WDR11: variants seen among roughly 807,000 people sequenced by gnomAD.
WDR11 encodes WD repeat-containing protein 11.
WDR11 carries 83 observed loss-of-function variants against 151.2 expected under a neutral mutation model. The observed-to-expected ratio is 0.55, with a 90% confidence interval of 0.46 to 0.66. The LOEUF is 0.66. Among genes scored for constraint, WDR11 ranks in the 30% least tolerant of loss-of-function variants. WDR11 has a pLI of 0.00. For missense variants in WDR11, 1,301 were observed against 1,480.9 expected, an observed-to-expected ratio of 0.88 and a Z score of 1.99; for synonymous variants, 484 against 533.1, an observed-to-expected ratio of 0.91 and a Z score of 1.27.
At chr10:120,899,997 TTTA>T (rs1283072168) in intron 19 of WDR11, 29 bp from the exon 20 acceptor site, 2 of 1,579,620 alleles carry the variant, frequency 1.3e-6, no homozygotes, top group East Asian at 4.5e-5. Flanking sequence ...AAAACTTCAT[TTTA>T]TTTTTAAAAA....
intron 20 of WDR11, 29 bp downstream of exon 20, chr10:120,900,166 A>G (rs1400253922): frequency 1.3e-6 from 2 of 1,579,372 alleles, no homozygotes; most frequent in Middle Eastern, 1.7e-4. Flanking sequence ...TTTTTCTTTC[A>G]TAATTTACTT....
chr10:120,880,956 AT>A, intron 13 of WDR11, 55 bp downstream of exon 13: 4 of 1,487,316 alleles, frequency 2.7e-6, no homozygotes, highest in East Asian at 2.4e-5. Context: ...AATCTCGTGG[AT>A]TTTTTTAATC....
intron 4 of WDR11, chr10:120,862,468 A>G (rs1846175403): frequency 3.0e-6 from 1 of 336,224 alleles, no homozygotes; most frequent in East Asian, 6.1e-5. Context: ...AAGAACAAAC[A>G]CTTGTTCTTT....
In WDR11 at chr10:120,891,272, A is replaced by G. The variant is rs1011814320; in HGVS notation, c.2515+385A>G. 5.9e-5 allele frequency among the ~76,000 whole-genome samples: 9 copies of G among 152,326 alleles called. No homozygotes were observed. The East Asian group carries it at 1.7e-3, about 29-fold the overall frequency. ...ATGGCCTTATGTCTTTTGCAACCAT[A>G]TATCATTGAAAAGTCACTTTAGAAA... On this transcript the variant is annotated intron_variant, in intron 19 of 28. Transcript: ENST00000263461.
At chr10:120,898,420 TAGAC>T (rs1417349852) in intron 19 of WDR11, among the ~76,000 whole-genome samples, 1 of 152,238 alleles carries the variant, frequency 6.6e-6, no homozygotes, top group Non-Finnish European at 1.5e-5. Flanking sequence ...AAGTTTAAAT[TAGAC>T]AAACATTCAT....
chr10:120,878,466 T>C lies in WDR11; in HGVS notation c.1663+7T>C. The C allele has an allele frequency of 1.2e-6, 2 of 1,604,664 alleles. No individual in the cohort carries two copies. The highest frequency in any genetic ancestry group is 1.7e-6 in the Non-Finnish European group (2 of 1,171,816). The stretch of plus-strand genomic sequence containing the variant: ...CTGGTTGATCTTCCAACAGGTTTGT[T>C]TTTAAAGATCCAAATAGGTTTGTCA... On this transcript the variant is annotated splice_region_variant and intron_variant, in intron 12 of 28. Transcript: ENST00000263461.
At position 120,905,260 on chromosome 10, in the gene WDR11, A is replaced by G; in HGVS notation, c.3194-59A>G. 7.1e-6 allele frequency: 11 copies of G among 1,555,968 alleles called. No homozygotes were observed. The South Asian group carries it at 1.0e-4, about 14-fold the overall frequency. Reference sequence around the variant, plus strand: ...GGTCAAATGGGGATTTAACTTTTTAATGACTTCTCAAAGAAGGAGCTGCAG... The same window carrying G: ...GGTCAAATGGGGATTTAACTTTTTAGTGACTTCTCAAAGAAGGAGCTGCAG... On this transcript the variant is annotated intron_variant, in intron 25 of 28. Coordinates refer to ENST00000263461, the MANE Select transcript of WDR11 (RefSeq NM_018117.12).
chr10:120,868,678 C>A (rs1846405019), intron 9 of WDR11: 1 of 152,026 alleles, frequency 6.6e-6, no homozygotes, highest in African/African-American at 2.4e-5. Context: ...ATGGAAGAGC[C>A]CAAGTGTGAC....
chr10:120,873,850 G>C lies in WDR11; in HGVS notation c.1483G>C (p.Gly495Arg). The change falls in exon 11 of 29, where the codon GGT (glycine) becomes CGT (arginine). Residue 495 changes from glycine to arginine, a missense_variant. Gly to Arg is a moderately radical substitution (Grantham distance 125). Transcript: ENST00000263461. Reference sequence around the variant, plus strand: ...TGTCATTTTGAAAGGTACAAGTAATGGTTCTGTCCTGGTGTACCATCTCAC... The same window carrying C: ...TGTCATTTTGAAAGGTACAAGTAATCGTTCTGTCCTGGTGTACCATCTCAC... ...QPLLAVGTSN[G>R]SVLVYHLTSG... 6.2e-7 allele frequency: 1 copy of C among 1,612,020 alleles called. No individual in the cohort carries two copies.
At chr10:120,860,482 T>TA (rs1846103818) in intron 4 of WDR11, among the ~76,000 whole-genome samples, 200 bp downstream of exon 4, 1 of 152,194 alleles carries the variant, frequency 6.6e-6, no homozygotes, top group African/African-American at 2.4e-5. Flanking sequence ...GCAAATATGA[T>TA]AAAAAATTAA....
chr10:120,865,861 T>G (rs1485774592), intron 7 of WDR11, 117 bp downstream of exon 7: 2 of 707,652 alleles, frequency 2.8e-6, no homozygotes, highest in Admixed American at 5.2e-5. Flanking sequence ...TTGAGGAAGT[T>G]TAAAATATGG....
Position 120,908,794 on chromosome 10 carries a change from A to C in WDR11, c.*81A>C. Reference sequence around the variant, plus strand: ...CTGGCTGTGGCCACCGTCACAGTCCAGGATGAAGAGGAGTACAGGGTCCTG... The same window carrying C: ...CTGGCTGTGGCCACCGTCACAGTCCCGGATGAAGAGGAGTACAGGGTCCTG... On this transcript the variant is annotated 3_prime_UTR_variant, in exon 29 of 29. Coordinates refer to ENST00000263461, the MANE Select transcript of WDR11 (RefSeq NM_018117.12). 1 of 1,484,370 alleles carries C rather than the reference A, an allele frequency of 6.7e-7. No individual in the cohort carries two copies. The highest frequency in any genetic ancestry group is 1.4e-5 in the African/African-American group (1 of 72,336). 91.9% of individuals were successfully genotyped at this position (1,484,370 alleles called of 1,614,324 possible).
rs1846631396 is a variant in WDR11, at chr10:120,873,755, A to G, written c.1472-84A>G. 9 of 895,692 alleles carry G rather than the reference A, an allele frequency of 1.0e-5. No individual in the cohort carries two copies. In the South Asian group the frequency reaches 1.0e-4, roughly 10 times the overall value. 55.5% of individuals were successfully genotyped at this position (895,692 alleles called of 1,614,324 possible). A position where few individuals can be genotyped will look rare whatever the true frequency, so the allele number is the denominator to read the frequency against. On this transcript the variant is annotated intron_variant, in intron 10 of 28. Transcript: ENST00000263461. ...TTATAAAAGATAAATGTGTTAAGTGATTAAAGTCTTGAGAAAAGACTTTTC... is the reference window on the plus strand; with the variant it reads ...TTATAAAAGATAAATGTGTTAAGTGGTTAAAGTCTTGAGAAAAGACTTTTC...
chr10:120,852,616 A>G lies in WDR11; in HGVS notation c.179A>G (p.His60Arg). 1.9e-6 allele frequency: 3 copies of G among 1,613,966 alleles called. No individual in the cohort carries two copies. The highest frequency in any genetic ancestry group is 2.5e-6 in the Non-Finnish European group (3 of 1,179,904). ...CAAACTCTTCAAGTTTTAGAAAAGCATAAAGCTGATGTTGTAAAGGTAAGT... is the reference window on the plus strand; with the variant it reads ...CAAACTCTTCAAGTTTTAGAAAAGCGTAAAGCTGATGTTGTAAAGGTAAGT... ...TAQTLQVLEK[H>R]KADVVKVKWA... is the part of the protein sequence containing the mutation. Residue 60 changes from histidine (H) to arginine (R), a missense_variant, in exon 2 of 29, where the codon CAT (histidine) becomes CGT (arginine). Transcript: ENST00000263461.
chr10:120,869,415 A>G (rs1846444819), intron 9 of WDR11, among the ~76,000 whole-genome samples: 2 of 148,880 alleles, frequency 1.3e-5, no homozygotes, highest in African/African-American at 4.9e-5. Context: ...GCCCGGCCAA[A>G]TTACAGTTTT....
intron 16 of WDR11, 122 bp from the exon 17 acceptor site, chr10:120,888,956 G>T (rs1160634648): frequency 4.1e-6 from 3 of 735,656 alleles, no homozygotes; most frequent in Non-Finnish European, 6.9e-6. Flanking sequence ...TCTGTTTTAG[G>T]ATTTGATGAC....
At position 120,883,842 on chromosome 10, in the gene WDR11, C is replaced by T; in HGVS notation, c.1802C>T (p.Thr601Ile). ...PLELWDVRTC[T>I]LLREMSKNFP... is the part of the protein sequence containing the mutation. ...GAGCTATGGGATGTTAGGACTTGTA[C>T]CCTTCTTAGAGAGATGTCCAAAAAC... Residue 601 changes from threonine to isoleucine, a missense_variant, in exon 14 of 29, where the codon ACC (threonine) becomes ATC (isoleucine). By Grantham distance (89) the Thr-to-Ile change is moderately conservative (BLOSUM62 -1). Transcript: ENST00000263461. 1.2e-6 allele frequency: 2 copies of T among 1,613,384 alleles called. No homozygotes were observed. Among genetic ancestry groups the T allele is most frequent in the Non-Finnish European group, 1.7e-6 (2 of 1,179,598 alleles).
In WDR11 at chr10:120,909,085, A is replaced by C; in HGVS notation, c.*372A>C. ...TTATTGAGAAACCTATAGTAAATGA[A>C]ATTTGTGAGATGTTTTCTCAAATAT... On this transcript the variant is annotated 3_prime_UTR_variant, in exon 29 of 29. Transcript: ENST00000263461. 3.7e-6 allele frequency: 1 copy of C among 270,250 alleles called. No homozygotes were observed. The highest frequency in any genetic ancestry group is 7.2e-6 in the Non-Finnish European group (1 of 139,018). 16.7% of individuals were successfully genotyped at this position (270,250 alleles called of 1,614,324 possible). A position where few individuals can be genotyped will look rare whatever the true frequency, so the allele number is the denominator to read the frequency against.
At chr10:120,906,476 A>G (rs760510436) in intron 27 of WDR11, 19 of 1,282,126 alleles carry the variant, frequency 1.5e-5, no homozygotes, top group Non-Finnish European at 1.9e-5. Context: ...AATATGACAA[A>G]AGATTACTTG....
Sources: allele counts gnomAD v4.1 joint callset (sites outside exome capture counted in the v4.1 genomes callset), GRCh38; gene constraint gnomAD v4.1.1; transcripts MANE v1.5; gene names NCBI Gene and HGNC (gene_info 2026-07-23, HGNC 2026-07-21).